The following TIA1 variants were observed in gnomAD, a reference collection of about 807,000 sequenced individuals.
The protein encoded by TIA1 is TIA1 cytotoxic granule associated RNA binding protein.
Under a neutral mutation model 65.9 loss-of-function variants are expected in TIA1, and 23 were observed. The observed-to-expected ratio is 0.35, with a 90% CI of 0.25 to 0.49. The LOEUF is 0.49. Ranked by LOEUF, TIA1 falls within the 20% of genes least tolerant of loss-of-function variation. TIA1 has a pLI of 0.98. For missense variants in TIA1, 371 were observed against 477.9 expected (o/e 0.78, Z 2.09); for synonymous variants, 147 against 149.4 (o/e 0.98, Z 0.12).
intron 7 of TIA1, among the ~76,000 whole-genome samples, chr2:70,217,404 C>CT (rs138387625): frequency 6.1e-5 from 9 of 147,464 alleles, no homozygotes; most frequent in African/African-American, 1.0e-4. Context: ...ACTTCTTCTT[C>CT]TTTTTTTTTT....
At position 70,228,407 on chromosome 2, in the gene TIA1, T is replaced by C. The variant is rs1422032555; in HGVS notation, c.311-585A>G. On this transcript the variant is annotated intron_variant, in intron 5 of 12. Transcript: ENST00000433529. ...TTTTCTCAAAAGCCAACAGTTTTGG[T>C]TGCCCAGACATTACACCATTCAGTT... 3.9e-6 allele frequency: 5 copies of C among 1,288,394 alleles called. No individual in the cohort carries two copies. In the South Asian group the frequency reaches 6.2e-5, roughly 16 times the overall value. 79.8% of individuals were successfully genotyped at this position (1,288,394 alleles called of 1,614,324 possible). A position where few individuals can be genotyped will look rare whatever the true frequency, so the allele number is the denominator to read the frequency against.
At chr2:70,229,733 G>C (rs945402209) in intron 3 of TIA1, among the ~76,000 whole-genome samples, 4 of 152,144 alleles carry the variant, frequency 2.6e-5, no homozygotes, top group Non-Finnish European at 5.9e-5. Flanking sequence ...GAGGTCAGGA[G>C]TTCAAGACCA....
intron 7 of TIA1, chr2:70,217,300 T>C (rs1679039127): frequency 1.0e-5 from 2 of 191,776 alleles, no homozygotes; most frequent in African/African-American, 4.6e-5. Context: ...GCCTCCTGAG[T>C]AGCGGGGATT....
intron 1 of TIA1, 133 bp from the exon 2 acceptor site, chr2:70,236,308 C>A: frequency 5.6e-6 from 3 of 540,300 alleles, no homozygotes; most frequent in Non-Finnish European, 9.9e-6. Flanking sequence ...AAGTGATTCC[C>A]CTGCCTCAGC....
rs947042815 is a variant in TIA1, at chr2:70,215,651, G to C, written c.765-157C>G. The C allele has an allele frequency of 4.6e-6, 3 of 645,434 alleles. No homozygotes were observed. The African/African-American group carries it at 5.5e-5, about 12-fold the overall frequency. The allele number at this position is 645,434 out of a possible 1,614,324, so 40.0% of individuals were successfully genotyped here. The stretch of plus-strand genomic sequence containing the variant: ...TTTTTCAAAGATCTTGTAGTTCTGG[G>C]GCAACTTGTGTTAACAAAGAATGTG... On this transcript the variant is annotated intron_variant, in intron 10 of 12. Transcript: ENST00000433529.
intron 1 of TIA1, among the ~76,000 whole-genome samples, chr2:70,247,765 G>A (rs1405027263): frequency 6.6e-6 from 1 of 152,070 alleles, no homozygotes; most frequent in East Asian, 1.9e-4. Context: ...ATTCCTTCTG[G>A]GTGAGATTTC....
In TIA1 at chr2:70,230,651, T is replaced by C. The variant is rs1385430793; in HGVS notation, c.222+105A>G. 8.4e-6 allele frequency: 6 copies of C among 715,104 alleles called. No homozygotes were observed. In the African/African-American group the frequency reaches 1.4e-4, roughly 17 times the overall value. The allele number at this position is 715,104 out of a possible 1,614,324, so 44.3% of individuals were successfully genotyped here. A position where few individuals can be genotyped will look rare whatever the true frequency, so the allele number is the denominator to read the frequency against. ...TGGGCAACAAGGGCAAAATTTCATC[T>C]CAAAAAAAAAAAAAAAGTGTTTAAT... is the stretch of plus-strand genomic sequence containing the variant. On this transcript the variant is annotated intron_variant, in intron 3 of 12. Transcript: ENST00000433529.
intron 5 of TIA1, chr2:70,228,506 C>A: frequency 8.3e-7 from 1 of 1,198,064 alleles, no homozygotes; most frequent in Non-Finnish European, 1.1e-6. Flanking sequence ...CACTTTATAT[C>A]AGAACCATTA....
Position 70,236,190 on chromosome 2 carries a change from G to T in TIA1, c.27-15C>A. The T allele has an allele frequency of 4.0e-6, 6 of 1,492,538 alleles. No individual in the cohort carries two copies. The highest frequency in any genetic ancestry group is 1.2e-5 in the South Asian group (1 of 84,500). 92.5% of individuals were successfully genotyped at this position (1,492,538 alleles called of 1,614,324 possible). A position where few individuals can be genotyped will look rare whatever the true frequency, so the allele number is the denominator to read the frequency against. ...TACCGACGTATCTGAAACACAAAGA[G>T]AAACAATTTACCTTTTTTTTTTTTT... On this transcript the variant is annotated splice_polypyrimidine_tract_variant and intron_variant, in intron 1 of 12. Transcript: ENST00000433529.
chr2:70,217,203 G>T, intron 7 of TIA1: 1 of 345,374 alleles, frequency 2.9e-6, no homozygotes, highest in Non-Finnish European at 4.9e-6. Flanking sequence ...ATAGAGTCTC[G>T]CTCTGTCACC....
Position 70,209,475 on chromosome 2 carries a change from A to C in TIA1, c.*3244T>G. ...TGAGACACACTCACACATTTTATTA[A>C]GGCTCTTAAATTGAAACTCATCATT... On this transcript the variant is annotated 3_prime_UTR_variant, in exon 13 of 13. Transcript: ENST00000433529. The C allele has an allele frequency of 2.5e-6, 1 of 397,466 alleles. No homozygotes were observed. Among genetic ancestry groups the C allele is most frequent in the Non-Finnish European group, 4.4e-6 (1 of 225,808 alleles). 24.6% of individuals were successfully genotyped at this position (397,466 alleles called of 1,614,324 possible).
At chr2:70,248,380 T>A (rs761552717) in intron 1 of TIA1, 25 bp downstream of exon 1, 1 of 1,597,442 alleles carries the variant, frequency 6.3e-7, no homozygotes, top group East Asian at 2.2e-5. Context: ...CCATCCCGCC[T>A]CCCTCATCGC....
intron 1 of TIA1, among the ~76,000 whole-genome samples, chr2:70,247,705 A>G (rs1695002327): frequency 6.6e-6 from 1 of 152,232 alleles, no homozygotes; most frequent in African/African-American, 2.4e-5. Flanking sequence ...TCACAACAGT[A>G]GTAAACGACT....
At chr2:70,246,612 G>A (rs1694456622) in intron 1 of TIA1, among the ~76,000 whole-genome samples, 1 of 152,128 alleles carries the variant, frequency 6.6e-6, no homozygotes, top group Non-Finnish European at 1.5e-5. Flanking sequence ...CAGGCCAGGC[G>A]CAGTGGCTCA....
rs757213800 is a variant in TIA1, at chr2:70,212,305, GCA to G, written c.*412_*413del. The G allele has an allele frequency of 3.7e-5, 6 of 162,628 alleles. No homozygotes were observed. The highest frequency in any genetic ancestry group is 7.2e-5 in the African/African-American group (3 of 41,430). 10.1% of individuals were successfully genotyped at this position (162,628 alleles called of 1,614,324 possible). A position where few individuals can be genotyped will look rare whatever the true frequency, so the allele number is the denominator to read the frequency against. On this transcript the variant is annotated 3_prime_UTR_variant, in exon 13 of 13. Coordinates refer to ENST00000433529, the MANE Select transcript of TIA1 (RefSeq NM_022173.4). ...AGATGACAAACAACTTCTAGACTCT[GCA>G]CAGTTTTGGTTTTTTTTTTTAACAT...
Position 70,212,767 on chromosome 2 carries a change from C to T in TIA1, c.1113G>A (p.Leu371=). 1.9e-6 allele frequency: 3 copies of T among 1,614,110 alleles called. No individual in the cohort carries two copies. Among genetic ancestry groups the T allele is most frequent in the Non-Finnish European group, 1.7e-6 (2 of 1,179,996 alleles). ...QPPQGQNGSM[L]PNQPSGYRVA... is the part of the protein sequence containing the mutation. ...CTCGATACCCAGAAGGCTGATTGGG[C>T]AACATGCTGCCATTTTGCCCTTGAG... is the stretch of plus-strand genomic sequence containing the variant. Residue 371 remains leucine (L), a synonymous_variant, in exon 13 of 13, where the codon TTG becomes TTA. Coordinates refer to ENST00000433529, the MANE Select transcript of TIA1 (RefSeq NM_022173.4).
At chr2:70,227,635 TAAAATTAATGTAC>T (rs929042537) in intron 6 of TIA1, 87 bp downstream of exon 6, 28 of 762,844 alleles carry the variant, frequency 3.7e-5, no homozygotes, top group African/African-American at 3.6e-4. Context: ...ATTCAAGTTA[TAAAATTAATGTAC>T]AAAATTCACA....
At chr2:70,238,219 C>T (rs1689942496) in intron 1 of TIA1, among the ~76,000 whole-genome samples, 1 of 143,990 alleles carries the variant, frequency 6.9e-6, no homozygotes, top group Admixed American at 7.0e-5. Flanking sequence ...ATTTCTACTT[C>T]TATGGTATTA....
intron 6 of TIA1, among the ~76,000 whole-genome samples, chr2:70,226,738 C>CA (rs1044020638): frequency 6.6e-6 from 1 of 152,036 alleles, no homozygotes; most frequent in African/African-American, 2.4e-5. Context: ...GAAGGACAAT[C>CA]AAGAAATGAA....
Sources: allele counts gnomAD v4.1 joint callset (sites outside exome capture counted in the v4.1 genomes callset), GRCh38; gene constraint gnomAD v4.1.1; transcripts MANE v1.5; gene names NCBI Gene and HGNC (gene_info 2026-07-23, HGNC 2026-07-21).